Variants in MPPED1 observed in about 807,000 individuals in gnomAD.
MPPED1 encodes metallophosphoesterase domain-containing protein 1.
A neutral mutation model predicts 36.2 loss-of-function variants in MPPED1; 16 were observed. The observed-to-expected ratio is 0.44, with a 90% CI of 0.30 to 0.67. MPPED1 has a LOEUF of 0.67. MPPED1 is among the 30% of genes least tolerant of loss of function. The pLI is 0.10. For synonymous variants in MPPED1, 199 were observed against 191.3 expected, an observed-to-expected ratio of 1.04 and a Z score of -0.33; for missense variants, 307 against 453.4, an observed-to-expected ratio of 0.68 and a Z score of 2.93.
intron 4 of MPPED1, among the ~76,000 whole-genome samples, chr22:43,480,980 T>C (rs1034895421): frequency 2.6e-5 from 4 of 152,098 alleles, no homozygotes; most frequent in Non-Finnish European, 4.4e-5. Context: ...GCTGCCATCA[T>C]GCCCAGCTAA....
intron 5 of MPPED1, among the ~76,000 whole-genome samples, chr22:43,499,016 T>C (rs1452895425): frequency 2.6e-5 from 4 of 151,608 alleles, no homozygotes. Flanking sequence ...CAATGTCTTC[T>C]CTCTCTCTCC....
intron 4 of MPPED1, among the ~76,000 whole-genome samples, chr22:43,485,472 TCACA>T (rs780023013): frequency 2.0e-5 from 3 of 151,226 alleles, no homozygotes; most frequent in Non-Finnish European, 4.4e-5. Context: ...ACATACACAC[TCACA>T]CAGTCACACA....
chr22:43,468,953 C>T (rs1176924593), intron 3 of MPPED1, among the ~76,000 whole-genome samples: 7 of 152,170 alleles, frequency 4.6e-5, no homozygotes, highest in Admixed American at 4.6e-4. Flanking sequence ...CAAGCACAGC[C>T]CCCAGCACCT....
At chr22:43,491,757 G>A (rs997175168) in intron 4 of MPPED1, among the ~76,000 whole-genome samples, 50 of 90,552 alleles carry the variant, frequency 5.5e-4, no homozygotes, top group South Asian at 6.4e-4. Flanking sequence ...GATGGAGGTA[G>A]TGGTGATGGA....
intron 1 of MPPED1, chr22:43,418,609 G>C (rs1929157478): frequency 5.9e-6 from 1 of 168,322 alleles, no homozygotes; most frequent in Admixed American, 5.6e-5. Flanking sequence ...GAGTTCTGAG[G>C]AGGTCTGTTT....
chr22:43,500,038 A>T (rs1355272159), intron 5 of MPPED1, among the ~76,000 whole-genome samples: 1 of 13,500 alleles, frequency 7.4e-5, no homozygotes, highest in Admixed American at 7.9e-4. Context: ...GTGGTGAGGG[A>T]GGTGGTGATG....
chr22:43,501,685 G>A (rs989821590), intron 5 of MPPED1, among the ~76,000 whole-genome samples: 12 of 152,182 alleles, frequency 7.9e-5, no homozygotes, highest in African/African-American at 2.9e-4. Flanking sequence ...GGATGAAACG[G>A]AGGCACAGAG....
At chr22:43,500,226 GAGGTGGTGATGGAGGTGGCAGTGATGA>G (rs1932651776) in intron 5 of MPPED1, among the ~76,000 whole-genome samples, 2 of 98,864 alleles carry the variant, frequency 2.0e-5, no homozygotes, top group Admixed American at 9.4e-5. Context: ...GGTGATGGTG[GAGGTGGTGATGGAGGTGGCAGTGATGA>G]TGGTGGTGAT....
chr22:43,495,596 G>A (rs1466362752), intron 4 of MPPED1, among the ~76,000 whole-genome samples: 3 of 62,586 alleles, frequency 4.8e-5, no homozygotes, highest in East Asian at 6.8e-4. Flanking sequence ...GGTGGTGGAG[G>A]TGGTGATGGT....
chr22:43,453,258 T>C (rs1930636838), intron 3 of MPPED1, among the ~76,000 whole-genome samples: 1 of 152,126 alleles, frequency 6.6e-6, no homozygotes, highest in Non-Finnish European at 1.5e-5. Flanking sequence ...CCAGTCTTAC[T>C]CATTTTTAAA....
chr22:43,488,262 C>T (rs576115068), intron 4 of MPPED1, among the ~76,000 whole-genome samples: 37 of 152,212 alleles, frequency 2.4e-4, no homozygotes, highest in South Asian at 1.9e-3. Context: ...CCCAAGGCCC[C>T]AGCACTCCAG....
At position 43,474,125 on chromosome 22, in the gene MPPED1, A is replaced by T. The variant is rs1274977371; in HGVS notation, c.407-611A>T. 6.6e-6 allele frequency among the ~76,000 whole-genome samples: 1 copy of T among 152,206 alleles called. No homozygotes were observed. The highest frequency in any genetic ancestry group is 2.4e-5 in the African/African-American group (1 of 41,442). On this transcript the variant is annotated intron_variant, in intron 3 of 6. Transcript: ENST00000443721. This position sits in a 1 kb window ranked among gnomAD's most constrained non-coding sequence, Gnocchi z 5.2. ...CAAAGACCTTGCAATTCCTTTTGGA[A>T]AGTGGAGGATAAAGAGTCCAAGATA...
Position 43,502,849 on chromosome 22 carries a change from A to C in MPPED1, c.862+92A>C. The C allele has an allele frequency of 9.4e-7, 1 of 1,061,000 alleles. No homozygotes were observed. Among genetic ancestry groups the C allele is most frequent in the Non-Finnish European group, 1.5e-6 (1 of 684,910 alleles). 65.7% of individuals were successfully genotyped at this position (1,061,000 alleles called of 1,614,324 possible). A position where few individuals can be genotyped will look rare whatever the true frequency, so the allele number is the denominator to read the frequency against. ...TCCCCTTCGTTCAGCCAGAAGGGAAATAAATAGCCCATTCCTACTGTTCGC... is the reference window on the plus strand; with the variant it reads ...TCCCCTTCGTTCAGCCAGAAGGGAACTAAATAGCCCATTCCTACTGTTCGC... On this transcript the variant is annotated intron_variant, in intron 6 of 6. Coordinates refer to ENST00000443721, the MANE Select transcript of MPPED1 (RefSeq NM_001044370.2). This position sits in a 1 kb window ranked among gnomAD's most constrained non-coding sequence, Gnocchi z 5.5.
chr22:43,449,690 G>C (rs1341599284), intron 3 of MPPED1, among the ~76,000 whole-genome samples: 1 of 152,152 alleles, frequency 6.6e-6, no homozygotes, highest in African/African-American at 2.4e-5. Context: ...ATGGTTGAGA[G>C]CTCAGACTCT....
chr22:43,481,551 C>T lies in MPPED1; in HGVS notation c.632+6590C>T, dbSNP rs149493491. On this transcript the variant is annotated intron_variant, in intron 4 of 6. Coordinates refer to ENST00000443721, the MANE Select transcript of MPPED1 (RefSeq NM_001044370.2). The stretch of plus-strand genomic sequence containing the variant: ...GATGAATGAATGAGTGGATGAGTGA[C>T]CAAATGGATGGATGGCAAGCTGTGG... Among the ~76,000 whole-genome samples the T allele has an allele frequency of 3.3e-3, 503 of 152,192 alleles. 2 individuals carry two copies. Among genetic ancestry groups the T allele is most frequent in the Middle Eastern group, 0.02 (6 of 294 alleles).
chr22:43,431,949 A>T (rs547348099), intron 2 of MPPED1, among the ~76,000 whole-genome samples: 1 of 152,146 alleles, frequency 6.6e-6, no homozygotes, highest in Non-Finnish European at 1.5e-5. Flanking sequence ...TTAATTAAAG[A>T]TCTCTGGCTC....
chr22:43,481,622 C>A (rs929262225), intron 4 of MPPED1, among the ~76,000 whole-genome samples: 3 of 152,288 alleles, frequency 2.0e-5, no homozygotes, highest in South Asian at 4.2e-4. Flanking sequence ...TGCGATTGAA[C>A]CTTTCTGGGG....
Position 43,502,509 on chromosome 22 carries a change from T to C in MPPED1, c.749-135T>C, listed in dbSNP as rs1932756016. The C allele has an allele frequency of 1.5e-6, 1 of 663,884 alleles. No individual in the cohort carries two copies. 41.1% of individuals were successfully genotyped at this position (663,884 alleles called of 1,614,324 possible). On this transcript the variant is annotated intron_variant, in intron 5 of 6. Coordinates refer to ENST00000443721, the MANE Select transcript of MPPED1 (RefSeq NM_001044370.2). This position sits in a 1 kb window ranked among gnomAD's most constrained non-coding sequence, Gnocchi z 5.5. ...CAGGGCAGGGTTCCGGAGAGCTTGC[T>C]AGGGGAGAGTGGTGCAAAGCCGGAG...
At chr22:43,439,681 C>T (rs940685576) in intron 3 of MPPED1, among the ~76,000 whole-genome samples, 5 of 152,206 alleles carry the variant, frequency 3.3e-5, no homozygotes, top group African/African-American at 9.7e-5. Context: ...TTGCACAGTC[C>T]GGGCACCACA....
Sources: allele counts gnomAD v4.1 joint callset (sites outside exome capture counted in the v4.1 genomes callset), GRCh38; gene constraint gnomAD v4.1.1; non-coding constraint Gnocchi (gnomAD v3.1); transcripts MANE v1.5; gene names NCBI Gene and HGNC (gene_info 2026-07-23, HGNC 2026-07-21).